TANGO2: variants seen among roughly 807,000 people sequenced by gnomAD.
TANGO2 encodes transport and Golgi organization protein 2 homolog.
TANGO2 carries 26 observed loss-of-function variants against 39.1 expected under a neutral mutation model. The ratio of observed to expected loss-of-function variants is 0.67; its 90% confidence interval spans 0.49 to 0.92. The LOEUF is 0.92. Among genes scored for constraint, TANGO2 ranks in the 40% least tolerant of loss-of-function variants. The pLI is 0.00. For synonymous variants in TANGO2, 131 were observed against 144.5 expected, an observed-to-expected ratio of 0.91 and a Z score of 0.67; for missense variants, 326 against 360.1, an observed-to-expected ratio of 0.91 and a Z score of 0.77.
rs1314846403 is a variant in TANGO2 at position 20,061,570 on chromosome 22, G to C, written c.492G>C (p.Trp164Cys). The change falls in exon 7 of 9, where the codon TGG (tryptophan) becomes TGC (cysteine). Residue 164 changes from tryptophan (W) to cysteine (C), a missense_variant. Trp to Cys is a radical substitution (Grantham distance 215). Coordinates refer to ENST00000327374, the MANE Select transcript of TANGO2 (RefSeq NM_152906.7). ...GLSNALLETP[W>C]RKLCFGKQLF... The stretch of plus-strand genomic sequence containing the variant: ...GCAACGCGCTGCTGGAGACTCCCTG[G>C]AGGAAGCTGTGCTTTGGGAAGCAGC... 1 of 1,605,520 alleles carries C rather than the reference G, an allele frequency of 6.2e-7. No homozygotes were observed. Among genetic ancestry groups the C allele is most frequent in the African/African-American group, 1.3e-5 (1 of 75,006 alleles).
chr22:20,064,422 C>T (rs2048938948), intron 8 of TANGO2, 120 bp from the exon 9 acceptor site: 2 of 1,291,174 alleles, frequency 1.5e-6, no homozygotes, highest in Admixed American at 4.0e-5. Context: ...TGACTTGGCA[C>T]AGCCTCCAGG....
intron 5 of TANGO2, chr22:20,054,238 C>T: frequency 5.7e-6 from 1 of 174,856 alleles, no homozygotes; most frequent in South Asian, 1.2e-4. Context: ...TGCACACTTG[C>T]TATGGAGGCT....
In TANGO2 at chr22:20,056,607, G is replaced by A. The variant is rs536827484; in HGVS notation, c.451+594G>A. The A allele has an allele frequency of 8.1e-5, 37 of 456,652 alleles. 1 individual carries two copies. The highest frequency in any genetic ancestry group is 4.6e-4 in the South Asian group (30 of 64,568). 28.3% of individuals were successfully genotyped at this position (456,652 alleles called of 1,614,324 possible). On this transcript the variant is annotated intron_variant, in intron 6 of 8. Transcript: ENST00000327374. The stretch of plus-strand genomic sequence containing the variant: ...TCCTTTCCCCCTCCTCGGGTGCTGC[G>A]ATTTCCTGGAAGCTTCCTCTGCCAG...
rs973356560 is a variant in TANGO2 at position 20,064,990 on chromosome 22, A to T, written c.*328A>T. On this transcript the variant is annotated 3_prime_UTR_variant, in exon 9 of 9. Transcript: ENST00000327374. ...CACACACATACACTCCTGCGTGTGC[A>T]CAAGCACACACATGCAAGCCATATA... 3.4e-6 allele frequency: 1 copy of T among 293,208 alleles called. No individual in the cohort carries two copies. Among genetic ancestry groups the T allele is most frequent in the Admixed American group, 4.8e-5 (1 of 20,976 alleles). 18.2% of individuals were successfully genotyped at this position (293,208 alleles called of 1,614,324 possible). A position where few individuals can be genotyped will look rare whatever the true frequency, so the allele number is the denominator to read the frequency against.
intron 5 of TANGO2, chr22:20,054,369 T>C (rs1298660229): frequency 1.3e-5 from 2 of 154,466 alleles, no homozygotes; most frequent in Admixed American, 1.3e-4. Flanking sequence ...CTGTGCTCTC[T>C]GCATGCCCCC....
At chr22:20,048,204 C>T (rs2045620369) in intron 3 of TANGO2, 1 of 152,354 alleles carries the variant, frequency 6.6e-6, no homozygotes, top group East Asian at 1.9e-4. Context: ...ACATTACAGG[C>T]ATGAGCTGCC....
At chr22:20,026,743 C>T (rs996923869) in intron 1 of TANGO2, among the ~76,000 whole-genome samples, 1 of 152,158 alleles carries the variant, frequency 6.6e-6, no homozygotes, top group Non-Finnish European at 1.5e-5. Context: ...CACAAGTTGC[C>T]CAGCCAGTGG....
At chr22:20,053,631 T>C in intron 5 of TANGO2, 80 bp downstream of exon 5, 2 of 933,884 alleles carry the variant, frequency 2.1e-6, no homozygotes, top group Non-Finnish European at 3.5e-6. Context: ...GAAGTGGGGT[T>C]CCACTGGGGG....
At chr22:20,032,362 G>A (rs890925592) in intron 1 of TANGO2, among the ~76,000 whole-genome samples, 2 of 152,274 alleles carry the variant, frequency 1.3e-5, no homozygotes, top group Non-Finnish European at 2.9e-5. Flanking sequence ...CCTTGGGGCA[G>A]GCGGGGTCCT....
chr22:20,050,012 T>C (rs1486120653), intron 3 of TANGO2, among the ~76,000 whole-genome samples: 3 of 151,976 alleles, frequency 2.0e-5, no homozygotes, highest in African/African-American at 4.8e-5. Flanking sequence ...ACCGAGACCA[T>C]CTTGGCTAAC....
intron 8 of TANGO2, 152 bp from the exon 9 acceptor site, chr22:20,064,390 A>G: frequency 2.1e-6 from 2 of 931,238 alleles, no homozygotes; most frequent in Non-Finnish European, 3.2e-6. Flanking sequence ...ATCATCCCCA[A>G]GACTGAGGCT....
intron 2 of TANGO2, among the ~76,000 whole-genome samples, chr22:20,042,696 C>T (rs536792774): frequency 1.8e-3 from 271 of 152,132 alleles, no homozygotes; most frequent in Non-Finnish European, 3.0e-3. Flanking sequence ...ACCCGGGAGG[C>T]GGGAGTTGCA....
intron 3 of TANGO2, among the ~76,000 whole-genome samples, chr22:20,049,785 A>G (rs2045947477): frequency 6.6e-6 from 1 of 152,134 alleles, no homozygotes; most frequent in South Asian, 2.1e-4. Flanking sequence ...GTTAATTGCT[A>G]TAAAACGAAA....
upstream of TANGO2, chr22:20,021,027 G>C (rs1003096109): frequency 2.0e-5 from 3 of 151,746 alleles, no homozygotes; most frequent in Admixed American, 1.3e-4. Context: ...CCCGCCCCTC[G>C]CTGCGCGGCC....
chr22:20,028,775 C>T (rs183979086), intron 1 of TANGO2, among the ~76,000 whole-genome samples: 2 of 152,342 alleles, frequency 1.3e-5, no homozygotes, highest in African/African-American at 2.4e-5. Flanking sequence ...ATTTGCCCTG[C>T]AGCACTGAGG....
At chr22:20,017,965 C>T (rs944417666), upstream of TANGO2, among the ~76,000 whole-genome samples, 3 of 152,170 alleles carry the variant, frequency 2.0e-5, no homozygotes, top group Admixed American at 1.3e-4. Context: ...TCTCCAAGGC[C>T]GCCTGGGGAA....
At chr22:20,048,710 G>C (rs1034833249) in intron 3 of TANGO2, among the ~76,000 whole-genome samples, 1 of 151,718 alleles carries the variant, frequency 6.6e-6, no homozygotes, top group Admixed American at 6.6e-5. Flanking sequence ...ACAGTGGTGC[G>C]ATCTCAGCTC....
At chr22:20,063,913 G>A (rs954859600) in intron 8 of TANGO2, among the ~76,000 whole-genome samples, 1 of 152,268 alleles carries the variant, frequency 6.6e-6, no homozygotes, top group Non-Finnish European at 1.5e-5. Flanking sequence ...CTGGCAGGCC[G>A]CATAGCCGCT....
chr22:20,017,450 G>A (rs1430996106), upstream of TANGO2, among the ~76,000 whole-genome samples: 1 of 152,106 alleles, frequency 6.6e-6, no homozygotes, highest in African/African-American at 2.4e-5. Context: ...CAGTATTTCC[G>A]AGGGCAGGAA....
Sources: allele counts gnomAD v4.1 joint callset (sites outside exome capture counted in the v4.1 genomes callset), GRCh38; gene constraint gnomAD v4.1.1; transcripts MANE v1.5; gene names NCBI Gene and HGNC (gene_info 2026-07-23, HGNC 2026-07-21).